Variants in CCDC178 observed in about 807,000 individuals in gnomAD.
The protein encoded by CCDC178 is coiled-coil domain-containing protein 178.
CCDC178 carries 126 observed loss-of-function variants against 117.4 expected under a neutral mutation model. That is an observed-to-expected ratio of 1.07 (90% CI 0.93 to 1.24). The LOEUF is 1.24. Among genes scored for constraint, CCDC178 ranks in the 50% most tolerant of loss-of-function variants. The pLI, the probability that CCDC178 is intolerant of heterozygous loss-of-function variation, is 0.00. For synonymous variants in CCDC178, 283 were observed against 313.4 expected, an observed-to-expected ratio of 0.90 and a Z score of 1.02; for missense variants, 1,030 against 986.9, an observed-to-expected ratio of 1.04 and a Z score of -0.59.
intron 14 of CCDC178, among the ~76,000 whole-genome samples, chr18:33,265,123 T>G (rs1200895712): frequency 6.6e-6 from 1 of 152,152 alleles, no homozygotes; most frequent in African/African-American, 2.4e-5. Flanking sequence ...TAAAAAAGTA[T>G]GTTTCACATA....
chr18:33,215,589 T>C lies in CCDC178; in HGVS notation c.2039A>G (p.Glu680Gly), dbSNP rs761771379. ...TGTCTGATCAAAACTTTTCTTTTCT[T>C]CTTCTTTTGCTTTTAATTCCTCATT... ...ELNEELKAKE[E>G]EKKSFDQTLE... The change falls in exon 19 of 23, where the codon GAA (glutamate) becomes GGA (glycine). Residue 680 changes from glutamate to glycine, a missense_variant. Physicochemically the swap from Glu to Gly is moderately conservative, Grantham distance 98 (BLOSUM62 -2). Transcript: ENST00000383096. The C allele has an allele frequency of 9.1e-5, 135 of 1,491,552 alleles. No homozygotes were observed. Among genetic ancestry groups the C allele is most frequent in the Non-Finnish European group, 1.2e-4 (131 of 1,115,760 alleles). The allele number at this position is 1,491,552 out of a possible 1,614,324, so 92.4% of individuals were successfully genotyped here.
At chr18:33,069,754 G>C (rs1261313210) in intron 21 of CCDC178, among the ~76,000 whole-genome samples, 1 of 151,998 alleles carries the variant, frequency 6.6e-6, no homozygotes, top group Non-Finnish European at 1.5e-5. Flanking sequence ...TTGAAAAATG[G>C]GAGAAAATGT....
chr18:33,056,344 G>A (rs1182990908), intron 21 of CCDC178, among the ~76,000 whole-genome samples: 4 of 152,078 alleles, frequency 2.6e-5, no homozygotes, highest in Non-Finnish European at 4.4e-5. Flanking sequence ...TCTCTGTATT[G>A]TATAATACAA....
intron 11 of CCDC178, among the ~76,000 whole-genome samples, chr18:33,313,026 G>A (rs2062364060): frequency 6.6e-6 from 1 of 152,214 alleles, no homozygotes; most frequent in Admixed American, 6.5e-5. Context: ...TTATCCTATA[G>A]TCTCTCTCAC....
intron 21 of CCDC178, among the ~76,000 whole-genome samples, chr18:33,076,391 C>T (rs1205730747): frequency 6.6e-6 from 1 of 152,156 alleles, no homozygotes; most frequent in Non-Finnish European, 1.5e-5. Flanking sequence ...TTACTTCAGC[C>T]CACATGCTTC....
chr18:33,292,528 T>C (rs2060180580), intron 12 of CCDC178, among the ~76,000 whole-genome samples: 1 of 152,032 alleles, frequency 6.6e-6, no homozygotes, highest in South Asian at 2.1e-4. Context: ...TGACTCTAGT[T>C]AATAATAATT....
At chr18:33,407,733 AG>A (rs1477046418) in intron 3 of CCDC178, among the ~76,000 whole-genome samples, 1 of 152,100 alleles carries the variant, frequency 6.6e-6, no homozygotes, top group Admixed American at 6.6e-5. Flanking sequence ...GCTAATCAAT[AG>A]TGAATAGAAG....
At chr18:33,117,925 C>T (rs1439636095) in intron 20 of CCDC178, among the ~76,000 whole-genome samples, 4 of 151,980 alleles carry the variant, frequency 2.6e-5, no homozygotes, top group Non-Finnish European at 4.4e-5. Flanking sequence ...AAGAGAGGCC[C>T]TGGAGGGCCT....
Position 33,179,079 on chromosome 18 carries a change from ATATATAT to A in CCDC178, c.2238+32810_2238+32816del, listed in dbSNP as rs1325928905. 2.3e-4 allele frequency among the ~76,000 whole-genome samples: 10 copies of A among 43,856 alleles called. 2 individuals are homozygous for A. Among genetic ancestry groups the A allele is most frequent in the African/African-American group, 1.3e-3 (8 of 5,978 alleles). The allele number at this position is 43,856 out of a possible 152,430, so 28.8% of individuals were successfully genotyped here. A position where few individuals can be genotyped will look rare whatever the true frequency, so the allele number is the denominator to read the frequency against. ...CTCAGTAAAAAAAAAAAAAAAAAAA[ATATATAT>A]ATATATATATATATATATATATAAA... On this transcript the variant is annotated intron_variant, in intron 20 of 22. Coordinates refer to ENST00000383096, the MANE Select transcript of CCDC178 (RefSeq NM_001105528.4).
At chr18:33,021,469 G>T (rs541278288) in intron 21 of CCDC178, among the ~76,000 whole-genome samples, 1 of 152,108 alleles carries the variant, frequency 6.6e-6, no homozygotes. Context: ...AGGCCGAGGC[G>T]GTTGGATCAC....
At chr18:33,269,050 C>A (rs1428733098) in intron 12 of CCDC178, among the ~76,000 whole-genome samples, 1 of 151,680 alleles carries the variant, frequency 6.6e-6, no homozygotes, top group African/African-American at 2.4e-5. Context: ...GCATTCAAAG[C>A]CTCGTTCTCA....
chr18:33,042,758 T>A (rs918764754), intron 21 of CCDC178, among the ~76,000 whole-genome samples: 11 of 151,864 alleles, frequency 7.2e-5, no homozygotes, highest in African/African-American at 2.7e-4. Flanking sequence ...CAGCAAAAAC[T>A]AGCTTGAGAA....
intron 21 of CCDC178, among the ~76,000 whole-genome samples, chr18:33,026,343 T>C (rs2056228331): frequency 6.6e-6 from 1 of 152,080 alleles, no homozygotes. Context: ...TTGCAAGATG[T>C]TACCATTAGG....
chr18:32,974,748 AGAAGAAT>A (rs2054999055), intron 21 of CCDC178, 67 bp from the exon 22 acceptor site: 2 of 1,495,578 alleles, frequency 1.3e-6, no homozygotes, highest in Middle Eastern at 3.5e-4. Context: ...GCAGTGTTCA[AGAAGAAT>A]GATGGAGGGA....
At chr18:33,424,118 T>C (rs2064077406) in intron 2 of CCDC178, among the ~76,000 whole-genome samples, 1 of 152,220 alleles carries the variant, frequency 6.6e-6, no homozygotes, top group East Asian at 1.9e-4. Flanking sequence ...TGCAAATATA[T>C]TGGTATTCTT....
chr18:33,043,821 T>C (rs2056593599), intron 21 of CCDC178, among the ~76,000 whole-genome samples: 1 of 151,960 alleles, frequency 6.6e-6, no homozygotes, highest in Non-Finnish European at 1.5e-5. Flanking sequence ...GCAAATTACA[T>C]ACTCTAATCA....
At chr18:33,148,621 C>T (rs535301220) in intron 20 of CCDC178, among the ~76,000 whole-genome samples, 28 of 152,208 alleles carry the variant, frequency 1.8e-4, no homozygotes, top group African/African-American at 6.3e-4. Flanking sequence ...CTTTCCCTTT[C>T]TGGAATGTGT....
At chr18:33,045,827 G>A (rs1190006066) in intron 21 of CCDC178, among the ~76,000 whole-genome samples, 1 of 152,164 alleles carries the variant, frequency 6.6e-6, no homozygotes, top group African/African-American at 2.4e-5. Flanking sequence ...AGCACTTTGG[G>A]AGGCCAAGGC....
At chr18:33,205,041 C>T (rs560448595) in intron 20 of CCDC178, among the ~76,000 whole-genome samples, 1 of 151,868 alleles carries the variant, frequency 6.6e-6, no homozygotes, top group African/African-American at 2.4e-5. Context: ...ATAATTAATA[C>T]AAAATAGATT....
Sources: allele counts gnomAD v4.1 joint callset (sites outside exome capture counted in the v4.1 genomes callset), GRCh38; gene constraint gnomAD v4.1.1; transcripts MANE v1.5; gene names NCBI Gene and HGNC (gene_info 2026-07-23, HGNC 2026-07-21).